Variants in TACC3 observed in about 807,000 individuals in gnomAD.
TACC3 encodes transforming acidic coiled-coil-containing protein 3.
TACC3 carries 52 observed loss-of-function variants against 86.0 expected under a neutral mutation model. The observed-to-expected ratio is 0.60, with a 90% CI of 0.48 to 0.76. TACC3 has a LOEUF of 0.76. Ranked by LOEUF, TACC3 falls within the 30% of genes least tolerant of loss-of-function variation. The pLI, the probability that TACC3 is intolerant of heterozygous loss-of-function variation, is 0.00. For missense variants in TACC3, 1,120 were observed against 1,070.4 expected, an observed-to-expected ratio of 1.05 and a Z score of -0.65; for synonymous variants, 512 against 430.0, an observed-to-expected ratio of 1.19 and a Z score of -2.36.
At chr4:1,741,132 A>G (rs1718579225) in intron 13 of TACC3, 146 bp downstream of exon 13, 1 of 770,804 alleles carries the variant, frequency 1.3e-6, no homozygotes, top group African/African-American at 1.8e-5. Flanking sequence ...CCTGTGAACG[A>G]GACAGGGTGC....
chr4:1,743,541 A>G (rs1718693580), intron 13 of TACC3, among the ~76,000 whole-genome samples: 1 of 108,040 alleles, frequency 9.3e-6, no homozygotes, highest in Non-Finnish European at 1.9e-5. Flanking sequence ...TGACAGAGTG[A>G]GTCTCCGTCT....
At chr4:1,732,690 C>G (rs1048024323) in intron 6 of TACC3, among the ~76,000 whole-genome samples, 1 of 152,222 alleles carries the variant, frequency 6.6e-6, no homozygotes, top group Non-Finnish European at 1.5e-5. Flanking sequence ...GCCTGTCACC[C>G]TCACGCAGGA....
chr4:1,739,638 T>C, intron 10 of TACC3, 64 bp from the exon 11 acceptor site: 1 of 1,475,218 alleles, frequency 6.8e-7, no homozygotes, highest in Non-Finnish European at 9.2e-7. Flanking sequence ...CCCCATCCTG[T>C]GGGGAGGTCC....
intron 8 of TACC3, among the ~76,000 whole-genome samples, chr4:1,736,066 C>T (rs1718247753): frequency 6.6e-6 from 1 of 152,248 alleles, no homozygotes; most frequent in Admixed American, 6.5e-5. Flanking sequence ...TTGCTGGTTA[C>T]AGCCACCGTT....
In TACC3 at chr4:1,739,838, A is replaced by G. The variant is rs889560492; in HGVS notation, c.2018+60A>G. 6.1e-6 allele frequency: 7 copies of G among 1,139,298 alleles called. No homozygotes were observed. In the African/African-American group the frequency reaches 9.6e-5, roughly 16 times the overall value. The allele number at this position is 1,139,298 out of a possible 1,614,324, so 70.6% of individuals were successfully genotyped here. On this transcript the variant is annotated intron_variant, in intron 11 of 15. Transcript: ENST00000313288. Reference sequence around the variant, plus strand: ...CATCCCCCTCGCCATCCTTGTCCCCATCCCCCTCGCCATCCTTGTCCCCAT... The same window carrying G: ...CATCCCCCTCGCCATCCTTGTCCCCGTCCCCCTCGCCATCCTTGTCCCCAT...
chr4:1,727,614 G>A (rs530137668), intron 3 of TACC3, 94 bp from the exon 4 acceptor site: 112 of 1,512,958 alleles, frequency 7.4e-5, no homozygotes, highest in Non-Finnish European at 9.5e-5. Flanking sequence ...TGCTTCTGGT[G>A]TGAGAATGTT....
intron 3 of TACC3, among the ~76,000 whole-genome samples, chr4:1,724,904 C>T (rs945506132): frequency 6.7e-6 from 1 of 149,256 alleles, no homozygotes; most frequent in Non-Finnish European, 1.5e-5. Flanking sequence ...GGGACTACAA[C>T]TGTGAGCCAC....
At chr4:1,732,259 C>G (rs1365974261) in intron 6 of TACC3, among the ~76,000 whole-genome samples, 3 of 147,592 alleles carry the variant, frequency 2.0e-5, no homozygotes, top group Admixed American at 6.8e-5. Flanking sequence ...TAAATAAATA[C>G]GGTTTGTCCG....
chr4:1,739,736 G>A lies in TACC3; in HGVS notation c.1976G>A (p.Arg659Lys), dbSNP rs746642275. 1 of 1,588,860 alleles carries A rather than the reference G, an allele frequency of 6.3e-7. No homozygotes were observed. The highest frequency in any genetic ancestry group is 8.6e-7 in the Non-Finnish European group (1 of 1,168,750). The change falls in exon 11 of 16, where the codon AGG becomes AAG. Residue 659 changes from arginine to lysine, a missense_variant. By Grantham distance (26) the Arg-to-Lys change is conservative (BLOSUM62 2). Transcript: ENST00000313288. ...KATQEENREL[R>K]SRCEELHGKN... is the part of the protein sequence containing the mutation. The stretch of plus-strand genomic sequence containing the variant: ...ACACAGGAGGAGAACCGGGAGCTGA[G>A]GAGCAGGTGTGAGGAGCTCCACGGG...
upstream of TACC3, chr4:1,721,135 G>T (rs1467654090): frequency 4.2e-6 from 1 of 235,616 alleles, no homozygotes; most frequent in Admixed American, 5.8e-5. Flanking sequence ...TCTGGGAGAT[G>T]CAGTCCCCGT....
At chr4:1,726,877 C>T (rs1717714197) in intron 3 of TACC3, among the ~76,000 whole-genome samples, 1 of 152,086 alleles carries the variant, frequency 6.6e-6, no homozygotes, top group African/African-American at 2.4e-5. Flanking sequence ...GCCTGTAATC[C>T]TAGCACTGGG....
intron 3 of TACC3, among the ~76,000 whole-genome samples, chr4:1,725,718 G>A (rs1451465931): frequency 2.0e-5 from 3 of 152,250 alleles, no homozygotes; most frequent in South Asian, 4.1e-4. Context: ...CTGAGCTTGT[G>A]GCTTGGACTC....
intron 14 of TACC3, 43 bp downstream of exon 14, chr4:1,744,667 C>A (rs1718757453): frequency 6.2e-7 from 1 of 1,612,006 alleles, no homozygotes; most frequent in African/African-American, 1.3e-5. Context: ...AGAATCTGAG[C>A]ACCTGGGCCC....
At position 1,736,445 on chromosome 4, in the gene TACC3, AC is replaced by A. The variant is rs1366314940; in HGVS notation, c.1748+613del. ...CTCAAAAAAAAAAAAAAAAAAAAAA[AC>A]CAAAAAATAGAGGTCAGCAAACTAT... On this transcript the variant is annotated intron_variant, in intron 8 of 15. Transcript: ENST00000313288. Among the ~76,000 whole-genome samples the A allele has an allele frequency of 6.9e-3, 979 of 142,102 alleles. 9 individuals are homozygous for A. The highest frequency in any genetic ancestry group is 0.022 in the African/African-American group (844 of 38,528). 93.2% of individuals were successfully genotyped at this position (142,102 alleles called of 152,430 possible). A position where few individuals can be genotyped will look rare whatever the true frequency, so the allele number is the denominator to read the frequency against.
chr4:1,728,682 G>C lies in TACC3; in HGVS notation c.1280G>C (p.Ser427Thr). Residue 427 changes from serine to threonine, a missense_variant, in exon 4 of 16, where the codon AGT becomes ACT. By Grantham distance (58) the Ser-to-Thr change is moderately conservative (BLOSUM62 1). Transcript: ENST00000313288. ...PFGGDTKSGCSEAQPPESPET... is the reference protein window; with the variant it reads ...PFGGDTKSGCTEAQPPESPET... ...GGAGGTGACACCAAGTCTGGTTGCA[G>C]TGAGGCCCAGCCCCCAGAAAGCCCT... 1.2e-6 allele frequency: 2 copies of C among 1,613,736 alleles called. No homozygotes were observed. The highest frequency in any genetic ancestry group is 2.2e-5 in the South Asian group (2 of 91,086).
intron 6 of TACC3, 111 bp downstream of exon 6, chr4:1,731,412 T>C (rs182520952): frequency 3.0e-4 from 392 of 1,319,354 alleles, no homozygotes; most frequent in Non-Finnish European, 3.8e-4. Flanking sequence ...TCGCAGGCAG[T>C]TGGGTCCCTT....
rs755768976 is a variant in TACC3 at position 1,723,841 on chromosome 4, C to T, written c.276C>T (p.Asn92=). Residue 92 remains asparagine (N), a synonymous_variant, in exon 3 of 16, where the codon AAC becomes AAT. Transcript: ENST00000313288. The part of the protein sequence containing the change: ...FTQDDTLGLE[N]SHPVWTQKEN... Reference sequence around the variant, plus strand: ...AGGATGACACCCTTGGACTGGAAAACTCACACCCGGTCTGGACACAGAAAG... The same window carrying T: ...AGGATGACACCCTTGGACTGGAAAATTCACACCCGGTCTGGACACAGAAAG... The T allele has an allele frequency of 3.7e-6, 6 of 1,613,442 alleles. No individual in the cohort carries two copies. The highest frequency in any genetic ancestry group is 2.2e-5 in the South Asian group (2 of 91,096).
At position 1,735,606 on chromosome 4, in the gene TACC3, T is replaced by C. The variant is rs924174668; in HGVS notation, c.1645-125T>C. On this transcript the variant is annotated intron_variant, in intron 7 of 15. Coordinates refer to ENST00000313288, the MANE Select transcript of TACC3 (RefSeq NM_006342.3). The surrounding 1 kb of genome is among the most constrained non-coding windows in gnomAD (Gnocchi z 4.2). ...GTGGTGTCTCGGGCAGGGTTGTGGG[T>C]GACCGGGGGTGGGAGTGTGCGGGTG... 1.8e-5 allele frequency: 15 copies of C among 812,082 alleles called. No homozygotes were observed. The highest frequency in any genetic ancestry group is 4.0e-5 in the African/African-American group (2 of 50,562). The allele number at this position is 812,082 out of a possible 1,614,324, so 50.3% of individuals were successfully genotyped here.
At chr4:1,737,416 G>T (rs1043122383) in intron 9 of TACC3, 88 bp downstream of exon 9, 12 of 1,369,762 alleles carry the variant, frequency 8.8e-6, no homozygotes, top group Non-Finnish European at 8.2e-6. Context: ...ATTCCTGGGG[G>T]TCTGAGCCTT....
Sources: allele counts gnomAD v4.1 joint callset (sites outside exome capture counted in the v4.1 genomes callset), GRCh38; gene constraint gnomAD v4.1.1; non-coding constraint Gnocchi (gnomAD v3.1); transcripts MANE v1.5; gene names NCBI Gene and HGNC (gene_info 2026-07-23, HGNC 2026-07-21).